Variants in ENOX2 observed in about 807,000 individuals in gnomAD.
ENOX2 encodes ecto-NOX disulfide-thiol exchanger 2.
A neutral mutation model predicts 45.0 loss-of-function variants in ENOX2; 36 were observed. The ratio of observed to expected loss-of-function variants is 0.80; its 90% CI spans 0.61 to 1.06. The LOEUF (loss-of-function observed/expected upper bound fraction) is 1.06, where lower values mean the gene tolerates loss of function less well. Among genes scored for constraint, ENOX2 ranks in the 50% least tolerant of loss-of-function variants. The pLI is 0.00. For missense variants in ENOX2, 423 were observed against 462.5 expected (o/e 0.91, Z 0.78); for synonymous variants, 174 against 152.3 (o/e 1.14, Z -1.05).
At chrX:130,630,676 C>A (rs2035675684) in intron 13 of ENOX2, among the ~76,000 whole-genome samples, 1 of 111,337 alleles carries the variant, frequency 9.0e-6, no homozygotes, top group Admixed American at 9.6e-5. Flanking sequence ...GTTCTGTGAG[C>A]CATTCTAGCA....
chrX:130,830,647 G>C (rs2077807000), intron 2 of ENOX2, among the ~76,000 whole-genome samples: 1 of 111,763 alleles, frequency 8.9e-6, no homozygotes, highest in Non-Finnish European at 1.9e-5. Context: ...AGTTGGCCTT[G>C]GCTCCTACTC....
intron 12 of ENOX2, among the ~76,000 whole-genome samples, chrX:130,634,053 T>C (rs2035861317): frequency 8.9e-6 from 1 of 112,049 alleles, no homozygotes; most frequent in African/African-American, 3.2e-5. Context: ...AGGTTGCCAG[T>C]TCTTAATGAC....
intron 2 of ENOX2, among the ~76,000 whole-genome samples, chrX:130,837,449 G>T (rs746415788): frequency 8.9e-6 from 1 of 111,786 alleles, no homozygotes; most frequent in South Asian, 3.8e-4. Flanking sequence ...GAGTTGAAAT[G>T]GTCCTTTGAG....
chrX:130,881,956 G>A, intron 2 of ENOX2, among the ~76,000 whole-genome samples: 1 of 111,882 alleles, frequency 8.9e-6, no homozygotes, highest in Non-Finnish European at 1.9e-5. Context: ...CTGCATGTGA[G>A]TGCTAACTGT....
At chrX:130,645,779 C>T (rs1308348694) in intron 10 of ENOX2, 3 of 822,141 alleles carry the variant, frequency 3.6e-6, no homozygotes, top group Admixed American at 2.4e-5. Flanking sequence ...GGTGGGTTCT[C>T]GTCCTGGTCT....
chrX:130,691,047 G>A lies in ENOX2; in HGVS notation c.98-2029C>T, dbSNP rs148508029. ...CACACACACACACACATACACACAC[G>A]TACTCTCCCCTTCCCTCCCTCCCAC... On this transcript the variant is annotated intron_variant, in intron 4 of 14. Transcript: ENST00000394363. Among the ~76,000 whole-genome samples, 121 of 109,467 alleles carry A rather than the reference G, an allele frequency of 1.1e-3. 3 individuals carry two copies. The East Asian group carries it at 0.027, about 24-fold the overall frequency.
Position 130,809,321 on chromosome X carries a change from C to T in ENOX2, c.-182-25631G>A, listed in dbSNP as rs1221463898. ...TTAACAAGTGTTAATGCTGGCATAT[C>T]CACTTCAGATAGCATTTATAACACT... On this transcript the variant is annotated intron_variant, in intron 2 of 14. Coordinates refer to ENST00000394363, the MANE Select transcript of ENOX2 (RefSeq NM_006375.4). Among the ~76,000 whole-genome samples, 3 of 112,224 alleles carry T rather than the reference C, an allele frequency of 2.7e-5. No individual in the cohort carries two copies. The Admixed American group carries it at 2.8e-4, about 11-fold the overall frequency.
intron 3 of ENOX2, among the ~76,000 whole-genome samples, chrX:130,757,281 T>A (rs748881700): frequency 8.9e-6 from 1 of 111,975 alleles, no homozygotes; most frequent in East Asian, 2.8e-4. Flanking sequence ...CCCATAGACA[T>A]GCACAATGCA....
chrX:130,648,425 C>T (rs749903774), intron 10 of ENOX2, among the ~76,000 whole-genome samples: 10 of 107,167 alleles, frequency 9.3e-5, no homozygotes, highest in Admixed American at 8.0e-4. Flanking sequence ...GCAACAAGAG[C>T]GAAACTCCGT....
chrX:130,759,420 C>T (rs954002044), intron 3 of ENOX2, among the ~76,000 whole-genome samples: 118 of 108,322 alleles, frequency 1.1e-3, no homozygotes, highest in Middle Eastern at 4.8e-3. Context: ...GGTGAAACCC[C>T]GACTCTACTA....
At chrX:130,797,492 G>A (rs1347169855) in intron 2 of ENOX2, among the ~76,000 whole-genome samples, 6 of 102,412 alleles carry the variant, frequency 5.9e-5, no homozygotes, top group African/African-American at 1.4e-4. Context: ...AGACCCTCCC[G>A]CCCCGCCCTG....
chrX:130,697,652 T>C (rs1221669348), intron 4 of ENOX2, among the ~76,000 whole-genome samples: 2 of 111,913 alleles, frequency 1.8e-5, no homozygotes, highest in Admixed American at 9.5e-5. Flanking sequence ...CATTGCTCTG[T>C]CCGCGGGGCT....
At chrX:130,892,722 C>T (rs2079002863) in intron 2 of ENOX2, among the ~76,000 whole-genome samples, 1 of 112,854 alleles carries the variant, frequency 8.9e-6, no homozygotes, top group African/African-American at 3.2e-5. Context: ...CTAAGATACA[C>T]AGACTAGAGT....
chrX:130,681,627 T>C (rs1237516020), intron 5 of ENOX2, among the ~76,000 whole-genome samples: 1 of 111,781 alleles, frequency 8.9e-6, no homozygotes, highest in Non-Finnish European at 1.9e-5. Context: ...GAAAATTATA[T>C]AACCCCTGAA....
intron 3 of ENOX2, among the ~76,000 whole-genome samples, chrX:130,704,699 T>C (rs190295120): frequency 1.8e-5 from 2 of 112,276 alleles, no homozygotes; most frequent in East Asian, 5.6e-4. Flanking sequence ...AACAAGCAAA[T>C]GTAAATGTCT....
chrX:130,657,276 C>CA (rs1362830482), intron 9 of ENOX2, among the ~76,000 whole-genome samples: 2 of 111,765 alleles, frequency 1.8e-5, no homozygotes, highest in Non-Finnish European at 3.8e-5. Flanking sequence ...TGAACAAAAG[C>CA]AGACATATTC....
At chrX:130,651,677 T>TTCATA (rs747423565) in intron 10 of ENOX2, among the ~76,000 whole-genome samples, 1 of 111,955 alleles carries the variant, frequency 8.9e-6, no homozygotes, top group Non-Finnish European at 1.9e-5. Flanking sequence ...ATTTCTTCCT[T>TTCATA]CCATACTGCC....
At chrX:130,679,200 G>C (rs1419252065) in intron 6 of ENOX2, among the ~76,000 whole-genome samples, 1 of 110,985 alleles carries the variant, frequency 9.0e-6, no homozygotes, top group East Asian at 2.8e-4. Flanking sequence ...CAGAGGAAAA[G>C]GCATAAAACA....
At chrX:130,659,315 T>A (rs1325564881) in intron 9 of ENOX2, among the ~76,000 whole-genome samples, 2 of 112,420 alleles carry the variant, frequency 1.8e-5, no homozygotes, top group African/African-American at 6.5e-5. Context: ...TAAAAGACTC[T>A]TTTTTTAAAA....
Sources: allele counts gnomAD v4.1 joint callset (sites outside exome capture counted in the v4.1 genomes callset), GRCh38; gene constraint gnomAD v4.1.1; transcripts MANE v1.5; gene names NCBI Gene and HGNC (gene_info 2026-07-23, HGNC 2026-07-21).